The following CDH18 variants were observed in gnomAD, a reference collection of about 807,000 sequenced individuals.
CDH18 encodes the protein cadherin-18.
CDH18 carries 31 observed loss-of-function variants against 67.9 expected under a neutral mutation model. That is an observed-to-expected ratio of 0.46 (90% CI 0.34 to 0.62). The LOEUF is 0.62. Ranked by LOEUF, CDH18 falls within the 20% of genes least tolerant of loss-of-function variation. The pLI, the probability that CDH18 is intolerant of heterozygous loss-of-function variation, is 0.01. For missense variants in CDH18, 890 were observed against 975.5 expected (o/e 0.91, Z 1.17); for synonymous variants, 362 against 347.2 (o/e 1.04, Z -0.48).
chr5:20,383,822 T>C, intron 1 of CDH18, among the ~76,000 whole-genome samples: 1 of 152,098 alleles, frequency 6.6e-6, no homozygotes, highest in East Asian at 1.9e-4. Flanking sequence ...GTATAACTAC[T>C]GTACAGAAAA....
chr5:20,423,780 C>G, intron 1 of CDH18, among the ~76,000 whole-genome samples: 1 of 149,644 alleles, frequency 6.7e-6, no homozygotes, highest in Non-Finnish European at 1.5e-5. Flanking sequence ...TACGTCTCTA[C>G]TAAAAATACA....
At chr5:20,450,174 C>T (rs1750325513) in intron 1 of CDH18, among the ~76,000 whole-genome samples, 1 of 151,886 alleles carries the variant, frequency 6.6e-6, no homozygotes, top group Non-Finnish European at 1.5e-5. Context: ...CCTGTCTTTA[C>T]TAAAAATAAT....
chr5:20,470,688 T>A (rs372419273), intron 1 of CDH18, among the ~76,000 whole-genome samples: 1 of 152,302 alleles, frequency 6.6e-6, no homozygotes, highest in African/African-American at 2.4e-5. Context: ...TCCGTCTCTA[T>A]GCAATAGCAT....
chr5:20,074,984 A>G (rs1213370695), intron 2 of CDH18, among the ~76,000 whole-genome samples: 3 of 152,240 alleles, frequency 2.0e-5, no homozygotes, highest in Admixed American at 6.5e-5. Flanking sequence ...AAACCTATGC[A>G]GATTCAGTTT....
In CDH18 at chr5:20,415,372, A is replaced by G. The variant is rs1314069632; in HGVS notation, c.-579-159867T>C. 4.6e-5 allele frequency among the ~76,000 whole-genome samples: 7 copies of G among 151,942 alleles called. No homozygotes were observed. In the East Asian group the frequency reaches 1.4e-3, roughly 29 times the overall value. On this transcript the variant is annotated intron_variant, in intron 1 of 14. Coordinates refer to the CDH18 transcript ENST00000507958. ...ACTGCACTCCAAAAAAATAAAAAATAAAATTAAAACCAGATGAATGAAAAA... is the reference window on the plus strand; with the variant it reads ...ACTGCACTCCAAAAAAATAAAAAATGAAATTAAAACCAGATGAATGAAAAA...
intron 2 of CDH18, among the ~76,000 whole-genome samples, chr5:20,183,557 T>C (rs988138800): frequency 1.3e-5 from 2 of 152,042 alleles, no homozygotes; most frequent in African/African-American, 4.8e-5. Context: ...AGCAATTCAA[T>C]GAAAAAATAA....
chr5:20,185,622 T>C (rs1281817250), intron 2 of CDH18, among the ~76,000 whole-genome samples: 3 of 152,088 alleles, frequency 2.0e-5, no homozygotes, highest in South Asian at 2.1e-4. Flanking sequence ...ATTCCTTCTG[T>C]AGATATCTTC....
At chr5:19,850,653 T>C (rs1385739209) in intron 2 of CDH18, among the ~76,000 whole-genome samples, 3 of 151,806 alleles carry the variant, frequency 2.0e-5, no homozygotes, top group Admixed American at 6.6e-5. Context: ...AGAAAGAAAG[T>C]AGGGAGATTG....
intron 2 of CDH18, among the ~76,000 whole-genome samples, chr5:19,841,414 C>G (rs1498102): frequency 0.49 from 74,856 of 151,722 alleles, 18,596 homozygotes; most frequent in Middle Eastern, 0.64. Flanking sequence ...TGTGAACCAT[C>G]TCATGTTTTT....
intron 1 of CDH18, among the ~76,000 whole-genome samples, chr5:20,336,308 G>A (rs575246294): frequency 6.6e-6 from 1 of 152,258 alleles, no homozygotes; most frequent in African/African-American, 2.4e-5. Flanking sequence ...TTAGGGGCTG[G>A]TTAGGCAGAT....
intron 1 of CDH18, among the ~76,000 whole-genome samples, chr5:20,397,728 T>A (rs2150124914): frequency 6.6e-6 from 1 of 152,302 alleles, no homozygotes; most frequent in South Asian, 2.1e-4. Flanking sequence ...TACAATATTT[T>A]ATTTTAATTA....
chr5:20,567,667 A>G (rs968415743), intron 1 of CDH18, among the ~76,000 whole-genome samples: 4 of 152,192 alleles, frequency 2.6e-5, no homozygotes. Flanking sequence ...GCAACTCCAT[A>G]TAGTACTCTC....
At chr5:19,655,769 T>C (rs1029245381) in intron 5 of CDH18, among the ~76,000 whole-genome samples, 2 of 152,074 alleles carry the variant, frequency 1.3e-5, no homozygotes, top group Non-Finnish European at 2.9e-5. Context: ...ACTCTGTGAT[T>C]GAGAGAATCA....
chr5:20,331,692 G>C (rs1282970230), intron 1 of CDH18, among the ~76,000 whole-genome samples: 2 of 152,038 alleles, frequency 1.3e-5, no homozygotes, highest in Non-Finnish European at 2.9e-5. Context: ...GAGACCAGGG[G>C]GTCCTCCTCC....
intron 11 of CDH18, among the ~76,000 whole-genome samples, chr5:19,502,428 T>G (rs1743406756): frequency 6.6e-6 from 1 of 152,100 alleles, no homozygotes; most frequent in African/African-American, 2.4e-5. Flanking sequence ...GTTACTAAAT[T>G]ATGGGATTAT....
intron 1 of CDH18, among the ~76,000 whole-genome samples, chr5:20,409,299 T>C (rs1019890300): frequency 7.9e-5 from 12 of 151,806 alleles, no homozygotes; most frequent in Non-Finnish European, 3.0e-5. Context: ...ACACATTTAA[T>C]AAGATTGATA....
chr5:20,039,067 C>T lies in CDH18; in HGVS notation c.-517-47053G>A, dbSNP rs1395690777. Among the ~76,000 whole-genome samples the T allele has an allele frequency of 5.7e-5, 8 of 139,302 alleles. No homozygotes were observed. In the Admixed American group the frequency reaches 6.2e-4, roughly 11 times the overall value. The allele number at this position is 139,302 out of a possible 152,430, so 91.4% of individuals were successfully genotyped here. A position where few individuals can be genotyped will look rare whatever the true frequency, so the allele number is the denominator to read the frequency against. On this transcript the variant is annotated intron_variant, in intron 2 of 14. Transcript: ENST00000507958. ...CACCAATAACAGACAAACAGAGAGCCAAATAGTGAGTGAACTCCCATTCGC... is the reference window on the plus strand; with the variant it reads ...CACCAATAACAGACAAACAGAGAGCTAAATAGTGAGTGAACTCCCATTCGC...
intron 2 of CDH18, among the ~76,000 whole-genome samples, chr5:19,911,506 G>C (rs1403462788): frequency 6.6e-6 from 1 of 151,924 alleles, no homozygotes; most frequent in Non-Finnish European, 1.5e-5. Context: ...TTTGGAAATG[G>C]GATCTTTTGG....
intron 5 of CDH18, among the ~76,000 whole-genome samples, chr5:19,637,517 G>T (rs2150207989): frequency 6.6e-6 from 1 of 152,220 alleles, no homozygotes; most frequent in African/African-American, 2.4e-5. Context: ...AAGCTCTCCT[G>T]AACTCTCCTT....
Sources: allele counts gnomAD v4.1 joint callset (sites outside exome capture counted in the v4.1 genomes callset), GRCh38; gene constraint gnomAD v4.1.1; transcripts MANE v1.5; gene names NCBI Gene and HGNC (gene_info 2026-07-23, HGNC 2026-07-21).